Variants in ICA1 observed in about 807,000 individuals in gnomAD.
ICA1 encodes the protein islet cell autoantigen 1, also known as 69 kDa islet cell autoantigen.
ICA1 carries 40 observed loss-of-function variants against 71.0 expected under a neutral mutation model. The ratio of observed to expected loss-of-function variants is 0.56; its 90% CI spans 0.44 to 0.73. The LOEUF is 0.73. ICA1 is among the 30% of genes least tolerant of loss of function. ICA1 has a pLI of 0.00. For synonymous variants in ICA1, 207 were observed against 209.5 expected, an observed-to-expected ratio of 0.99 and a Z score of 0.10; for missense variants, 578 against 576.5, an observed-to-expected ratio of 1.00 and a Z score of -0.03.
chr7:8,168,262 T>A (rs1018070594), intron 6 of ICA1, among the ~76,000 whole-genome samples: 4 of 152,112 alleles, frequency 2.6e-5, no homozygotes, highest in Admixed American at 6.6e-5. Context: ...ATGATAAAGG[T>A]TTCTTTTTAA....
intron 6 of ICA1, among the ~76,000 whole-genome samples, chr7:8,167,716 C>T (rs879075047): frequency 6.6e-6 from 1 of 152,040 alleles, no homozygotes; most frequent in Non-Finnish European, 1.5e-5. Flanking sequence ...GGTGGCAAGC[C>T]TTTTTATAGG....
At chr7:8,151,664 G>GTAAC (rs1323134559) in intron 8 of ICA1, among the ~76,000 whole-genome samples, 1 of 152,230 alleles carries the variant, frequency 6.6e-6, no homozygotes, top group African/African-American at 2.4e-5. Flanking sequence ...TTCAAAGCAA[G>GTAAC]TAACTACAGA....
At chr7:8,162,294 T>C (rs754453164) in intron 6 of ICA1, among the ~76,000 whole-genome samples, 5 of 152,226 alleles carry the variant, frequency 3.3e-5, no homozygotes, top group African/African-American at 4.8e-5. Context: ...GACCCAATGA[T>C]TCTGAAAGGC....
chr7:8,229,644 T>C (rs903852052), intron 3 of ICA1, among the ~76,000 whole-genome samples: 6 of 152,262 alleles, frequency 3.9e-5, no homozygotes, highest in Non-Finnish European at 5.9e-5. Context: ...TGAACACAGA[T>C]GATCTGTTTC....
At position 8,218,567 on chromosome 7, in the gene ICA1, T is replaced by C; in HGVS notation, c.381-64A>G. Reference sequence around the variant, plus strand: ...CAGTGAGCAATTTAAATCCTTGACATTCTGCCAATCTTAGACTCGTGAGTC... The same window carrying C: ...CAGTGAGCAATTTAAATCCTTGACACTCTGCCAATCTTAGACTCGTGAGTC... On this transcript the variant is annotated intron_variant, in intron 5 of 13. Transcript: ENST00000402384. 4.4e-6 allele frequency: 6 copies of C among 1,349,202 alleles called. No individual in the cohort carries two copies. The South Asian group carries it at 7.1e-5, about 16-fold the overall frequency. The allele number at this position is 1,349,202 out of a possible 1,614,324, so 83.6% of individuals were successfully genotyped here. A position where few individuals can be genotyped will look rare whatever the true frequency, so the allele number is the denominator to read the frequency against.
intron 1 of ICA1, among the ~76,000 whole-genome samples, chr7:8,256,202 C>T (rs1423448545): frequency 6.6e-6 from 1 of 152,210 alleles, no homozygotes; most frequent in Non-Finnish European, 1.5e-5. Context: ...GTGTACCTGT[C>T]CATTCCAATC....
chr7:8,114,930 C>G (rs1239251201), intron 13 of ICA1: 3 of 152,148 alleles, frequency 2.0e-5, no homozygotes, highest in Non-Finnish European at 2.9e-5. Flanking sequence ...ATCCTTCTAG[C>G]TGAGAGCAGC....
At chr7:8,232,458 G>A (rs1028558610) in intron 3 of ICA1, 132 bp downstream of exon 3, 2 of 631,546 alleles carry the variant, frequency 3.2e-6, no homozygotes, top group Middle Eastern at 4.5e-4. Context: ...TGCTGGGATT[G>A]AGTTTACCTA....
chr7:8,210,541 A>G (rs1015012543), intron 6 of ICA1, among the ~76,000 whole-genome samples: 7 of 152,212 alleles, frequency 4.6e-5, no homozygotes, highest in African/African-American at 1.7e-4. Context: ...ACAAATTAAC[A>G]GACCACTATA....
At position 8,138,854 on chromosome 7, in the gene ICA1, T is replaced by A; in HGVS notation, c.1046A>T (p.Lys349Ile). Residue 349 changes from lysine (K) to isoleucine (I), a missense_variant, in exon 12 of 14, where the codon AAA becomes ATA. Coordinates refer to ENST00000402384, the MANE Select transcript of ICA1 (RefSeq NM_001136020.3). Reference protein sequence around the residue: ...SGPIDELLDMKSEEGACLGPV... With the variant: ...SGPIDELLDMISEEGACLGPV... ...ATAAATCTTACCACCTTCCTCAGAT[T>A]TCATGTCTAATAGTTCATCTATGGG... 6.2e-7 allele frequency: 1 copy of A among 1,605,304 alleles called. No homozygotes were observed. Among genetic ancestry groups the A allele is most frequent in the South Asian group, 1.1e-5 (1 of 90,354 alleles).
At chr7:8,163,512 T>C (rs1280126467) in intron 6 of ICA1, among the ~76,000 whole-genome samples, 1 of 152,208 alleles carries the variant, frequency 6.6e-6, no homozygotes, top group African/African-American at 2.4e-5. Flanking sequence ...CGATAGTACA[T>C]TGGGTATATT....
chr7:8,154,243 CT>C (rs1478600058), intron 8 of ICA1, among the ~76,000 whole-genome samples: 1 of 152,084 alleles, frequency 6.6e-6, no homozygotes, highest in Admixed American at 6.5e-5. Context: ...AATAAAATAA[CT>C]TTGTAAAAGA....
intron 6 of ICA1, among the ~76,000 whole-genome samples, chr7:8,214,548 A>C (rs1001931557): frequency 6.6e-6 from 1 of 152,178 alleles, no homozygotes; most frequent in African/African-American, 2.4e-5. Flanking sequence ...CTCTCCAGGT[A>C]TCCCGTCCCT....
At chr7:8,152,313 C>A (rs1236636649) in intron 8 of ICA1, among the ~76,000 whole-genome samples, 1 of 151,976 alleles carries the variant, frequency 6.6e-6, no homozygotes, top group Non-Finnish European at 1.5e-5. Flanking sequence ...GTAACATAAC[C>A]TAGAAACCCC....
intron 6 of ICA1, among the ~76,000 whole-genome samples, chr7:8,209,979 G>C (rs1221199649): frequency 6.6e-6 from 1 of 152,186 alleles, no homozygotes; most frequent in Non-Finnish European, 1.5e-5. Flanking sequence ...TGGGGTTGGG[G>C]GAGGTAGGTC....
At chr7:8,151,481 A>T (rs6956040) in intron 8 of ICA1, among the ~76,000 whole-genome samples, 2 of 152,084 alleles carry the variant, frequency 1.3e-5, no homozygotes, top group African/African-American at 4.8e-5. Flanking sequence ...CAGCTTGGGA[A>T]AAAAACAGCC....
chr7:8,167,788 C>T (rs1806645345), intron 6 of ICA1, among the ~76,000 whole-genome samples: 1 of 152,090 alleles, frequency 6.6e-6, no homozygotes, highest in South Asian at 2.1e-4. Flanking sequence ...AATCATAATG[C>T]ACTGTGGTTG....
chr7:8,135,061 C>G (rs574617529), intron 12 of ICA1, among the ~76,000 whole-genome samples: 11 of 151,792 alleles, frequency 7.2e-5, no homozygotes, highest in African/African-American at 2.7e-4. Context: ...GAGTGTTACT[C>G]TGTTGCCTAG....
intron 2 of ICA1, among the ~76,000 whole-genome samples, chr7:8,233,107 G>A (rs2128463922): frequency 6.6e-6 from 1 of 151,976 alleles, no homozygotes. Flanking sequence ...CAGTGAGTCA[G>A]AGATAAAGCC....
Sources: allele counts gnomAD v4.1 joint callset (sites outside exome capture counted in the v4.1 genomes callset), GRCh38; gene constraint gnomAD v4.1.1; transcripts MANE v1.5; gene names NCBI Gene and HGNC (gene_info 2026-07-23, HGNC 2026-07-21).